SLC17A5: variants seen among roughly 807,000 people sequenced by gnomAD.
The protein encoded by SLC17A5 is solute carrier family 17 member 5, also known as sialin.
SLC17A5 carries 47 observed loss-of-function variants against 59.4 expected under a neutral mutation model. The observed-to-expected ratio is 0.79, with a 90% confidence interval of 0.63 to 1.01. SLC17A5 has a LOEUF of 1.01. SLC17A5 is among the 50% of genes least tolerant of loss of function. The pLI is 0.00. For synonymous variants in SLC17A5, 202 were observed against 210.7 expected, an observed-to-expected ratio of 0.96 and a Z score of 0.36; for missense variants, 522 against 595.5, an observed-to-expected ratio of 0.88 and a Z score of 1.28.
At chr6:73,627,865 G>A (rs904360951) in intron 6 of SLC17A5, among the ~76,000 whole-genome samples, 1 of 150,994 alleles carries the variant, frequency 6.6e-6, no homozygotes, top group Non-Finnish European at 1.5e-5. Flanking sequence ...CTAACCTCAG[G>A]CGATCCACCT....
At chr6:73,626,425 A>G (rs1227766434) in intron 6 of SLC17A5, among the ~76,000 whole-genome samples, 1 of 152,242 alleles carries the variant, frequency 6.6e-6, no homozygotes, top group East Asian at 1.9e-4. Context: ...TGTTCTCCCA[A>G]TATGAATTGT....
At chr6:73,627,828 C>T (rs1043811467) in intron 6 of SLC17A5, among the ~76,000 whole-genome samples, 11 of 151,802 alleles carry the variant, frequency 7.2e-5, no homozygotes, top group African/African-American at 2.2e-4. Context: ...AGGGTTTCAC[C>T]ACGTTGGCCA....
chr6:73,603,545 T>A (rs918887024), intron 9 of SLC17A5, among the ~76,000 whole-genome samples: 1 of 151,742 alleles, frequency 6.6e-6, no homozygotes, highest in Admixed American at 6.6e-5. Context: ...CTCAGCCTCC[T>A]GAGTAGCTGG....
chr6:73,601,504 G>GT (rs2150077523), intron 9 of SLC17A5, among the ~76,000 whole-genome samples: 2 of 118,556 alleles, frequency 1.7e-5, no homozygotes, highest in African/African-American at 3.7e-5. Flanking sequence ...CGTCCGGGAG[G>GT]GAGGTGGGGG....
intron 10 of SLC17A5, among the ~76,000 whole-genome samples, chr6:73,596,066 G>A (rs973765333): frequency 2.6e-4 from 39 of 151,704 alleles, no homozygotes; most frequent in African/African-American, 8.2e-4. Flanking sequence ...TCAGCCTCCC[G>A]CAGTGATGGT....
Position 73,610,538 on chromosome 6 carries a change from C to A in SLC17A5, c.1121G>T (p.Gly374Val). Residue 374 changes from glycine to valine, a missense_variant, in exon 9 of 11, where the codon GGA becomes GTA. Gly to Val is a moderately radical substitution (Grantham distance 109). Coordinates refer to ENST00000355773, the MANE Select transcript of SLC17A5 (RefSeq NM_012434.5). ...AGCAGCTACCAGGAATACTGCAGGT[C>A]CAATCATTCCTGGAGTTAAAAAGTT... is the stretch of plus-strand genomic sequence containing the variant. ...RRIFSLIGMI[G>V]PAVFLVAAGF... is the part of the protein sequence containing the mutation. The A allele has an allele frequency of 1.2e-6, 2 of 1,614,010 alleles. No individual in the cohort carries two copies. The highest frequency in any genetic ancestry group is 1.7e-6 in the Non-Finnish European group (2 of 1,179,984).
chr6:73,641,669 AC>A (rs1769290732), intron 3 of SLC17A5, 21 bp downstream of exon 3: 1 of 1,535,560 alleles, frequency 6.5e-7, no homozygotes, highest in African/African-American at 1.4e-5. Context: ...AAGAAGTAAA[AC>A]AAGAGAGAAA....
chr6:73,635,464 C>G lies in SLC17A5; in HGVS notation c.737G>C (p.Trp246Ser). 1.2e-6 allele frequency: 2 copies of G among 1,606,538 alleles called. No homozygotes were observed. The highest frequency in any genetic ancestry group is 1.7e-6 in the Non-Finnish European group (2 of 1,175,810). The change falls in exon 6 of 11, where the codon TGG (tryptophan) becomes TCG (serine). Residue 246 changes from tryptophan (W) to serine (S), a missense_variant. By Grantham distance (177) the Trp-to-Ser change is radical (BLOSUM62 -3). Around this residue, in one of 3 missense-constraint regions of SLC17A5, gnomAD observed 338 missense variants for 363.8 expected, o/e 0.93. Coordinates refer to ENST00000355773, the MANE Select transcript of SLC17A5 (RefSeq NM_012434.5). ...TTTTTGTGGTGTGTCACTAACTAAC[C>G]AGATCCACAAAAGAAACCAAAATAT... ...IGIFWFLLWI[W>S]LVSDTPQKHK... is the part of the protein sequence containing the mutation.
At chr6:73,640,380 A>G (rs973911330) in intron 3 of SLC17A5, among the ~76,000 whole-genome samples, 2 of 152,248 alleles carry the variant, frequency 1.3e-5, no homozygotes, top group South Asian at 2.1e-4. Context: ...GCAATTTCCA[A>G]AGTATTCTAG....
At chr6:73,618,217 A>G (rs1767961210) in intron 7 of SLC17A5, 1 of 152,508 alleles carries the variant, frequency 6.6e-6, no homozygotes, top group South Asian at 2.1e-4. Flanking sequence ...CAACAGAGCA[A>G]GACTCAGTCT....
rs957440793 is a variant in SLC17A5, at chr6:73,638,251, A to C, written c.613+161T>G. Among the ~76,000 whole-genome samples, 46 of 152,242 alleles carry C rather than the reference A, an allele frequency of 3.0e-4. 1 individual carries two copies. The highest frequency in any genetic ancestry group is 2.6e-4 in the Admixed American group (4 of 15,282). On this transcript the variant is annotated intron_variant, in intron 4 of 10. Coordinates refer to ENST00000355773, the MANE Select transcript of SLC17A5 (RefSeq NM_012434.5). Reference sequence around the variant, plus strand: ...CTGCATTACTATAAGTTGTTGAGCCAAAGAGAAAAATTGGTAATAAAGTTA... The same window carrying C: ...CTGCATTACTATAAGTTGTTGAGCCCAAGAGAAAAATTGGTAATAAAGTTA...
chr6:73,640,176 A>T (rs1455628180), intron 3 of SLC17A5, among the ~76,000 whole-genome samples: 2 of 152,266 alleles, frequency 1.3e-5, no homozygotes, highest in Non-Finnish European at 2.9e-5. Context: ...TACATTCAGC[A>T]AGGAGATTGA....
chr6:73,641,955 C>G, intron 2 of SLC17A5, 31 bp from the exon 3 acceptor site: 1 of 1,554,306 alleles, frequency 6.4e-7, no homozygotes, highest in Non-Finnish European at 8.9e-7. Context: ...TAAAACAATC[C>G]TTTAAGACCT....
chr6:73,617,410 C>T (rs1255488982), intron 7 of SLC17A5, among the ~76,000 whole-genome samples: 4 of 152,100 alleles, frequency 2.6e-5, no homozygotes, highest in Non-Finnish European at 5.9e-5. Context: ...TAAATGGTTT[C>T]AAAATATTAG....
chr6:73,620,441 T>C (rs1169397555), intron 7 of SLC17A5, among the ~76,000 whole-genome samples: 1 of 152,218 alleles, frequency 6.6e-6, no homozygotes, highest in African/African-American at 2.4e-5. Context: ...ATAAGATTGC[T>C]CACAATGAAT....
chr6:73,642,854 A>G lies in SLC17A5; in HGVS notation c.292-930T>C, dbSNP rs534053483. ...ACAAAGCAAACTCTTACTTTTCCTT[A>G]TTTAGGGTACCAATTTGCAGTTTAT... On this transcript the variant is annotated intron_variant, in intron 2 of 10. Coordinates refer to ENST00000355773, the MANE Select transcript of SLC17A5 (RefSeq NM_012434.5). 3.9e-5 allele frequency among the ~76,000 whole-genome samples: 6 copies of G among 152,220 alleles called. No homozygotes were observed. The South Asian group carries it at 6.2e-4, about 16-fold the overall frequency.
chr6:73,606,870 C>T (rs543642), intron 9 of SLC17A5, among the ~76,000 whole-genome samples: 16,374 of 152,256 alleles, frequency 0.11, 1,060 homozygotes, highest in Middle Eastern at 0.18. Flanking sequence ...TCCAAAACGG[C>T]ATCTATCATA....
chr6:73,637,495 T>C (rs971904324), intron 4 of SLC17A5, among the ~76,000 whole-genome samples: 6 of 152,234 alleles, frequency 3.9e-5, no homozygotes, highest in African/African-American at 1.2e-4. Flanking sequence ...AATTGAATCA[T>C]GCCTCTTAAA....
At chr6:73,653,657 T>A in intron 1 of SLC17A5, 136 bp downstream of exon 1, 9 of 1,032,526 alleles carry the variant, frequency 8.7e-6, no homozygotes, top group Non-Finnish European at 1.3e-5. Flanking sequence ...CGGGCTCCCC[T>A]CTTAATGTCC....
Sources: allele counts gnomAD v4.1 joint callset (sites outside exome capture counted in the v4.1 genomes callset), GRCh38; gene constraint gnomAD v4.1.1; regional missense constraint gnomAD v4.1.1; transcripts MANE v1.5; gene names NCBI Gene and HGNC (gene_info 2026-07-23, HGNC 2026-07-21).